Variants in EYA3 observed in about 807,000 individuals in gnomAD.
The protein encoded by EYA3 is protein phosphatase EYA3.
A neutral mutation model predicts 80.0 loss-of-function variants in EYA3; 39 were observed. The ratio of observed to expected loss-of-function variants is 0.49; its 90% CI spans 0.38 to 0.64. The LOEUF is 0.64. EYA3 is among the 30% of genes least tolerant of loss of function. EYA3 has a pLI of 0.00. For synonymous variants in EYA3, 206 were observed against 232.8 expected (o/e 0.88, Z 1.05); for missense variants, 523 against 676.1 (o/e 0.77, Z 2.51).
chr1:27,985,685 G>A (rs1158932218), intron 16 of EYA3, among the ~76,000 whole-genome samples: 3 of 152,006 alleles, frequency 2.0e-5, no homozygotes, highest in African/African-American at 4.8e-5. Context: ...AGGTTCAAGC[G>A]ATGCTCCTGC....
At chr1:28,069,580 G>A (rs1038962252) in intron 1 of EYA3, among the ~76,000 whole-genome samples, 3 of 133,282 alleles carry the variant, frequency 2.3e-5, no homozygotes, top group Admixed American at 7.9e-5. Flanking sequence ...AGAAGAAGAA[G>A]AAAAAAAAAG....
Position 28,013,276 on chromosome 1 carries a change from T to C in EYA3, c.604A>G (p.Ile202Val), listed in dbSNP as rs755186429. Residue 202 changes from isoleucine (I) to valine (V), a missense_variant, in exon 9 of 18, where the codon ATT becomes GTT. Coordinates refer to ENST00000373871, the MANE Select transcript of EYA3 (RefSeq NM_001990.4). This position sits in a 1 kb window ranked among gnomAD's most constrained non-coding sequence, Gnocchi z 4.0. ...GCCTGGTACTGATTCTGACCAAGAA[T>C]AGTATAGGTGGGATAATCCTGCAGG... ...ISNQDYPTYTILGQNQYQACY... is the reference protein window; with the variant it reads ...ISNQDYPTYTVLGQNQYQACY... 7 of 1,613,704 alleles carry C rather than the reference T, an allele frequency of 4.3e-6. No homozygotes were observed. Among genetic ancestry groups the C allele is most frequent in the African/African-American group, 2.7e-5 (2 of 75,008 alleles).
intron 16 of EYA3, among the ~76,000 whole-genome samples, chr1:27,978,952 ACT>A (rs1381698196): frequency 6.6e-6 from 1 of 152,178 alleles, no homozygotes; most frequent in African/African-American, 2.4e-5. Context: ...ACAAGAGCGA[ACT>A]CTGTCTCAAA....
rs569705329 is a variant in EYA3 at position 27,971,407 on chromosome 1, A to G, written c.*3059T>C. Reference sequence around the variant, plus strand: ...TCAGGAGTTTGAGAACAGCCTGGTCAACATGGTGAAACCCCATCTCTACTA... The same window carrying G: ...TCAGGAGTTTGAGAACAGCCTGGTCGACATGGTGAAACCCCATCTCTACTA... On this transcript the variant is annotated 3_prime_UTR_variant, in exon 18 of 18. Transcript: ENST00000373871. The G allele has an allele frequency of 6.6e-6, 1 of 152,204 alleles. No individual in the cohort carries two copies. Among genetic ancestry groups the G allele is most frequent in the African/African-American group, 2.4e-5 (1 of 41,470 alleles). The allele number at this position is 152,204 out of a possible 1,614,324, so 9.4% of individuals were successfully genotyped here. A position where few individuals can be genotyped will look rare whatever the true frequency, so the allele number is the denominator to read the frequency against.
At chr1:27,996,458 C>A (rs1378301655) in intron 13 of EYA3, among the ~76,000 whole-genome samples, 1 of 152,118 alleles carries the variant, frequency 6.6e-6, no homozygotes, top group Non-Finnish European at 1.5e-5. Flanking sequence ...CTCTTCAGAC[C>A]AGACTTTTCC....
In EYA3 at chr1:28,002,931, C is replaced by A. The variant is rs1370686248; in HGVS notation, c.993+1405G>T. 2.6e-5 allele frequency among the ~76,000 whole-genome samples: 4 copies of A among 151,672 alleles called. 1 individual carries two copies. The highest frequency in any genetic ancestry group is 6.6e-5 in the Admixed American group (1 of 15,226). On this transcript the variant is annotated intron_variant, in intron 11 of 17. Transcript: ENST00000373871. ...AGGCTGGAGTTCGAGTCCAGCCTTG[C>A]CAACATGGTAAAACCCTGTCTCTAC...
At chr1:28,002,903 T>C (rs28845937) in intron 11 of EYA3, among the ~76,000 whole-genome samples, 34,316 of 151,362 alleles carry the variant, frequency 0.23, 4,084 homozygotes, top group Non-Finnish European at 0.27. Flanking sequence ...GGCGGATCAC[T>C]TGAGGCTGGA....
At chr1:28,006,992 G>A (rs1001710662) in intron 10 of EYA3, among the ~76,000 whole-genome samples, 1 of 134,428 alleles carries the variant, frequency 7.4e-6, no homozygotes, top group Non-Finnish European at 1.5e-5. Context: ...CCAGGCTGAA[G>A]TGTAGTGGTG....
chr1:28,064,060 A>G (rs1414132282), intron 1 of EYA3, among the ~76,000 whole-genome samples: 1 of 152,202 alleles, frequency 6.6e-6, no homozygotes, highest in African/African-American at 2.4e-5. Flanking sequence ...AAAGCCAAAT[A>G]GTGTCAACAG....
chr1:28,006,622 C>G (rs1240411164), intron 10 of EYA3, among the ~76,000 whole-genome samples: 2 of 152,120 alleles, frequency 1.3e-5, no homozygotes, highest in Non-Finnish European at 2.9e-5. Context: ...AGGAGAATCG[C>G]TTGAACCTGG....
chr1:28,037,514 G>A (rs1400649030), intron 5 of EYA3, among the ~76,000 whole-genome samples: 1 of 152,148 alleles, frequency 6.6e-6, no homozygotes, highest in Non-Finnish European at 1.5e-5. Flanking sequence ...GACCTTAAAT[G>A]GATTAATCTC....
intron 11 of EYA3, among the ~76,000 whole-genome samples, chr1:28,002,769 G>A (rs913519292): frequency 2.0e-5 from 3 of 151,656 alleles, no homozygotes; most frequent in Non-Finnish European, 4.4e-5. Flanking sequence ...CTGTGTTTGC[G>A]CCACTGTACT....
chr1:28,019,468 T>C (rs1571816875), intron 7 of EYA3, among the ~76,000 whole-genome samples: 1 of 152,360 alleles, frequency 6.6e-6, no homozygotes, highest in African/African-American at 2.4e-5. Context: ...ACCATTCTTG[T>C]AGGAAAAGAA....
intron 10 of EYA3, among the ~76,000 whole-genome samples, chr1:28,005,493 C>T (rs1408331487): frequency 2.0e-5 from 3 of 152,134 alleles, no homozygotes; most frequent in Non-Finnish European, 4.4e-5. Flanking sequence ...GCAGGCAGAT[C>T]GCTTGAGCCC....
intron 2 of EYA3, among the ~76,000 whole-genome samples, chr1:28,050,177 T>TATG (rs1297738618): frequency 8.7e-6 from 1 of 115,382 alleles, no homozygotes; most frequent in Non-Finnish European, 1.8e-5. Context: ...ACTTTTTATT[T>TATG]ATTATTATTA....
In EYA3 at chr1:28,013,117, A is replaced by T. The variant is rs976224764; in HGVS notation, c.763T>A (p.Ser255Thr). 6.2e-7 allele frequency: 1 copy of T among 1,611,748 alleles called. No individual in the cohort carries two copies. Among genetic ancestry groups the T allele is most frequent in the Non-Finnish European group, 8.5e-7 (1 of 1,179,358 alleles). The change falls in exon 9 of 18, where the codon TCC becomes ACC. Residue 255 changes from serine (S) to threonine (T), a missense_variant. Ser to Thr is a moderately conservative substitution (Grantham distance 58). Transcript: ENST00000373871. The surrounding 1 kb of genome is among the most constrained non-coding windows in gnomAD (Gnocchi z 4.0). ...MAPAPAAQRLSSGDPSTSPSL... is the reference protein window; with the variant it reads ...MAPAPAAQRLTSGDPSTSPSL... Reference sequence around the variant, plus strand: ...TCAGAGCTGCGGTGCTTACCAGAGGAAAGTCTCTGTGCTGCAGGTGCAGGC... The same window carrying T: ...TCAGAGCTGCGGTGCTTACCAGAGGTAAGTCTCTGTGCTGCAGGTGCAGGC...
chr1:28,010,015 A>G (rs549179234), intron 10 of EYA3, among the ~76,000 whole-genome samples: 40 of 152,296 alleles, frequency 2.6e-4, no homozygotes, highest in African/African-American at 9.4e-4. Context: ...TATATCAGAA[A>G]TTTACTTTTT....
At chr1:28,064,161 T>C (rs577079359) in intron 1 of EYA3, among the ~76,000 whole-genome samples, 16 of 152,310 alleles carry the variant, frequency 1.1e-4, no homozygotes, top group Non-Finnish European at 2.4e-4. Flanking sequence ...GCATTTATTT[T>C]TAGTTATACA....
intron 3 of EYA3, 52 bp from the exon 4 acceptor site, chr1:28,042,702 TAA>T (rs111559121): frequency 6.9e-7 from 1 of 1,450,544 alleles, no homozygotes; most frequent in South Asian, 1.1e-5. Flanking sequence ...GCTGCATTGC[TAA>T]AAAGTGATGA....
Sources: gnomAD v4.1 joint callset for allele counts (sites outside exome capture counted in the v4.1 genomes callset) on GRCh38, gnomAD v4.1.1 for gene constraint, Gnocchi (gnomAD v3.1) non-coding constraint, MANE v1.5 for transcripts, NCBI Gene and HGNC (gene_info 2026-07-23, HGNC 2026-07-21) for gene names.